Variants in NEK1 observed in about 807,000 individuals in gnomAD.
The protein encoded by NEK1 is NIMA related kinase 1.
NEK1 carries 137 observed loss-of-function variants against 182.1 expected under a neutral mutation model. The ratio of observed to expected loss-of-function variants is 0.75; its 90% CI spans 0.65 to 0.87. The LOEUF is 0.87. NEK1 is among the 40% of genes least tolerant of loss of function. The pLI, the probability that NEK1 is intolerant of heterozygous loss-of-function variation, is 0.00. For missense variants in NEK1, 1,391 were observed against 1,494.4 expected (o/e 0.93, Z 1.14); for synonymous variants, 513 against 492.2 (o/e 1.04, Z -0.56).
At chr4:169,438,553 G>A (rs766194702) in intron 27 of NEK1, among the ~76,000 whole-genome samples, 1 of 152,138 alleles carries the variant, frequency 6.6e-6, no homozygotes, top group Non-Finnish European at 1.5e-5. Flanking sequence ...AGTTGATTCT[G>A]TTTATATGAA....
Position 169,500,286 on chromosome 4 carries a change from G to A in NEK1, c.2007+6751C>T, listed in dbSNP as rs540196654. Among the ~76,000 whole-genome samples, 3 of 152,278 alleles carry A rather than the reference G, an allele frequency of 2.0e-5. No individual in the cohort carries two copies. In the East Asian group the frequency reaches 5.8e-4, roughly 29 times the overall value. On this transcript the variant is annotated intron_variant, in intron 23 of 35. Transcript: ENST00000507142. ...AGGGTGGGAGTGACCCGATTTTCCA[G>A]GTGCCGTCTGTCACCCCTTTCTTTG...
At chr4:169,434,587 C>T (rs1473957311) in intron 28 of NEK1, among the ~76,000 whole-genome samples, 1 of 152,138 alleles carries the variant, frequency 6.6e-6, no homozygotes, top group East Asian at 1.9e-4. Context: ...TAATATTTTC[C>T]AAAAGTGAAC....
In NEK1 at chr4:169,485,407, T is replaced by TA. The variant is rs959832766; in HGVS notation, c.2008-5874dup. Among the ~76,000 whole-genome samples the TA allele has an allele frequency of 5.4e-4, 82 of 152,200 alleles. 2 individuals are homozygous for TA. Among genetic ancestry groups the TA allele is most frequent in the Non-Finnish European group, 1.5e-5 (1 of 68,030 alleles). On this transcript the variant is annotated intron_variant, in intron 23 of 35. Coordinates refer to ENST00000507142, the MANE Select transcript of NEK1 (RefSeq NM_001199397.3). ...GTCATACACTTAAGTAACTTATTAGTACAGTTGAATTGGGCCTTCTGTATA... is the reference window on the plus strand; with the variant it reads ...GTCATACACTTAAGTAACTTATTAGTAACAGTTGAATTGGGCCTTCTGTATA...
intron 18 of NEK1, among the ~76,000 whole-genome samples, chr4:169,550,356 G>A (rs775655470): frequency 2.0e-5 from 3 of 152,226 alleles, no homozygotes; most frequent in South Asian, 2.1e-4. Flanking sequence ...ACCCAGTCTC[G>A]GGTATGACTT....
At chr4:169,432,061 T>TA (rs1035888100) in intron 29 of NEK1, among the ~76,000 whole-genome samples, 13 of 144,336 alleles carry the variant, frequency 9.0e-5, no homozygotes, top group Admixed American at 2.1e-4. Context: ...ACGACTAAAT[T>TA]AAAAAAAAAA....
chr4:169,420,043 T>A (rs936917608), intron 31 of NEK1, among the ~76,000 whole-genome samples: 15 of 152,188 alleles, frequency 9.9e-5, no homozygotes, highest in Admixed American at 6.5e-5. Context: ...ATTGTATACA[T>A]AGACTACACT....
intron 19 of NEK1, among the ~76,000 whole-genome samples, chr4:169,522,416 T>G (rs564096824): frequency 1.6e-4 from 25 of 152,334 alleles, no homozygotes; most frequent in Non-Finnish European, 3.2e-4. Context: ...TTTGCTGCAT[T>G]CAGCTTGGTT....
intron 19 of NEK1, among the ~76,000 whole-genome samples, chr4:169,524,490 T>C (rs1399229071): frequency 6.7e-6 from 1 of 150,368 alleles, no homozygotes; most frequent in African/African-American, 2.4e-5. Flanking sequence ...AGAAAAATGT[T>C]GAATGAAAAA....
intron 27 of NEK1, among the ~76,000 whole-genome samples, chr4:169,439,431 T>C (rs1739016887): frequency 6.6e-6 from 1 of 152,218 alleles, no homozygotes; most frequent in South Asian, 2.1e-4. Flanking sequence ...AGAACAAAAC[T>C]ATAGTGTTGC....
intron 8 of NEK1, 110 bp downstream of exon 8, chr4:169,588,539 G>A (rs949327741): frequency 6.6e-5 from 41 of 625,576 alleles, no homozygotes; most frequent in African/African-American, 4.6e-4. Flanking sequence ...ATACATATGT[G>A]TTTACATGTA....
chr4:169,485,430 A>G (rs915647695), intron 23 of NEK1, among the ~76,000 whole-genome samples: 4 of 152,338 alleles, frequency 2.6e-5, no homozygotes, highest in East Asian at 1.9e-4. Context: ...GGCCTTCTGT[A>G]TAAATATCAT....
chr4:169,416,712 C>T (rs1300236711), intron 31 of NEK1, among the ~76,000 whole-genome samples: 5 of 152,126 alleles, frequency 3.3e-5, no homozygotes, highest in African/African-American at 1.2e-4. Context: ...CCAGACCAGT[C>T]TGGGCAACAT....
chr4:169,600,165 C>T (rs565642483), intron 4 of NEK1, among the ~76,000 whole-genome samples: 2 of 152,234 alleles, frequency 1.3e-5, no homozygotes, highest in East Asian at 3.9e-4. Context: ...CTAGTTCTCA[C>T]TTCTTTCACT....
At chr4:169,451,045 T>C (rs529888496) in intron 27 of NEK1, among the ~76,000 whole-genome samples, 90 of 152,224 alleles carry the variant, frequency 5.9e-4, no homozygotes, top group African/African-American at 2.1e-3. Flanking sequence ...AAGAAGGCCA[T>C]TACATAATGG....
At chr4:169,598,593 T>C (rs1319905800) in intron 5 of NEK1, among the ~76,000 whole-genome samples, 1 of 151,924 alleles carries the variant, frequency 6.6e-6, no homozygotes, top group Non-Finnish European at 1.5e-5. Flanking sequence ...ACATGCTCAA[T>C]AAATATCTGT....
intron 18 of NEK1, among the ~76,000 whole-genome samples, chr4:169,541,635 A>T (rs574833808): frequency 1.3e-5 from 2 of 152,294 alleles, no homozygotes; most frequent in East Asian, 3.9e-4. Flanking sequence ...TGACATACAA[A>T]TTATAATAAT....
At chr4:169,498,954 C>G (rs1446239538) in intron 23 of NEK1, among the ~76,000 whole-genome samples, 1 of 152,132 alleles carries the variant, frequency 6.6e-6, no homozygotes, top group African/African-American at 2.4e-5. Flanking sequence ...GTTGGCATGT[C>G]TTGCTAGATT....
chr4:169,576,405 C>G (rs1028505505), intron 12 of NEK1, among the ~76,000 whole-genome samples: 2 of 152,182 alleles, frequency 1.3e-5, no homozygotes, highest in African/African-American at 2.4e-5. Context: ...GCTCCATATA[C>G]CAAAGCATGC....
At chr4:169,496,998 C>T (rs1184729902) in intron 23 of NEK1, among the ~76,000 whole-genome samples, 1 of 152,112 alleles carries the variant, frequency 6.6e-6, no homozygotes, top group Admixed American at 6.5e-5. Flanking sequence ...CCTCCTTGTA[C>T]CTCTGGTAGA....
Sources: gnomAD v4.1 joint callset for allele counts (sites outside exome capture counted in the v4.1 genomes callset) on GRCh38, gnomAD v4.1.1 for gene constraint, MANE v1.5 for transcripts, NCBI Gene and HGNC (gene_info 2026-07-23, HGNC 2026-07-21) for gene names.